GREB1: variants seen among roughly 807,000 people sequenced by gnomAD.
GREB1 encodes the protein growth regulating estrogen receptor binding 1.
A neutral mutation model predicts 200.7 loss-of-function variants in GREB1; 106 were observed. The observed-to-expected ratio is 0.53, with a 90% CI of 0.45 to 0.62. The LOEUF (loss-of-function observed/expected upper bound fraction) is 0.62, where lower values mean the gene tolerates loss of function less well. GREB1 is among the 20% of genes least tolerant of loss of function. The pLI is 0.00. For missense variants in GREB1, 2,243 were observed against 2,556.8 expected (o/e 0.88, Z 2.65); for synonymous variants, 1,132 against 1,092.4 (o/e 1.04, Z -0.72).
Position 11,482,980 on chromosome 2 carries a change from C to G in GREB1, c.-159+599C>G, listed in dbSNP as rs540197282. Among the ~76,000 whole-genome samples the G allele has an allele frequency of 2.4e-3, 365 of 151,340 alleles. 3 individuals are homozygous for G. Among genetic ancestry groups the G allele is most frequent in the African/African-American group, 8.5e-3 (353 of 41,442 alleles). ...GGGCCCGAGGTAGGAGCGGTCCCTC[C>G]GGGCGGCAGCGGGCGGAGCGGGGGC... On this transcript the variant is annotated intron_variant, in intron 1 of 2. Coordinates refer to the GREB1 transcript ENST00000628795.
chr2:11,530,815 G>A (rs529603619), upstream of GREB1, among the ~76,000 whole-genome samples: 1 of 152,114 alleles, frequency 6.6e-6, no homozygotes, highest in South Asian at 2.1e-4. Flanking sequence ...ATCTACTTAA[G>A]TTTAATACAC....
intron 1 of GREB1, among the ~76,000 whole-genome samples, chr2:11,485,069 T>C (rs1039694227): frequency 2.0e-5 from 3 of 152,094 alleles, no homozygotes; most frequent in African/African-American, 7.2e-5. Flanking sequence ...CCTCGTGATC[T>C]GCCCGCCTCG....
intron 1 of GREB1, among the ~76,000 whole-genome samples, chr2:11,524,423 T>C (rs1673805422): frequency 6.6e-6 from 1 of 152,202 alleles, no homozygotes; most frequent in Non-Finnish European, 1.5e-5. Flanking sequence ...ATAGGACTGT[T>C]TGAGGGTGAA....
intron 7 of GREB1, among the ~76,000 whole-genome samples, chr2:11,583,314 G>A (rs375624401): frequency 2.0e-5 from 3 of 152,162 alleles, no homozygotes; most frequent in African/African-American, 4.8e-5. Flanking sequence ...GTCTCCCATC[G>A]CAATTGGGGA....
chr2:11,628,796 G>A (rs1226100078), intron 25 of GREB1, among the ~76,000 whole-genome samples: 1 of 152,164 alleles, frequency 6.6e-6, no homozygotes, highest in Non-Finnish European at 1.5e-5. Flanking sequence ...GAGTGCAGAG[G>A]AGGAGGAGAG....
intron 4 of GREB1, among the ~76,000 whole-genome samples, chr2:11,574,093 A>C (rs1678588551): frequency 6.6e-6 from 1 of 152,192 alleles, no homozygotes; most frequent in African/African-American, 2.4e-5. Context: ...TGAAGGAATA[A>C]ACAAAGACAT....
In GREB1 at chr2:11,641,031, A is replaced by G. The variant is rs572203272; in HGVS notation, c.*577A>G. 3 of 152,504 alleles carry G rather than the reference A, an allele frequency of 2.0e-5. No homozygotes were observed. The highest frequency in any genetic ancestry group is 2.1e-4 in the South Asian group (1 of 4,834). 9.4% of individuals were successfully genotyped at this position (152,504 alleles called of 1,614,324 possible). On this transcript the variant is annotated 3_prime_UTR_variant, in exon 33 of 33. Transcript: ENST00000381486. ...AAATTTAATAAAGTTAAACAAATTG[A>G]TTTACTTCAGAGCAAATATGATCCT...
chr2:11,585,480 G>A (rs890284456), intron 8 of GREB1, among the ~76,000 whole-genome samples: 4 of 152,244 alleles, frequency 2.6e-5, no homozygotes, highest in African/African-American at 7.2e-5. Flanking sequence ...TCTAGGATCC[G>A]TGTATGATAG....
chr2:11,489,459 G>A (rs966105071), intron 1 of GREB1, among the ~76,000 whole-genome samples: 3 of 149,842 alleles, frequency 2.0e-5, no homozygotes, highest in African/African-American at 7.3e-5. Flanking sequence ...ACTCCGTCTT[G>A]GGGGAAAAAA....
chr2:11,570,705 G>A (rs1362376007), intron 4 of GREB1, among the ~76,000 whole-genome samples: 1 of 151,884 alleles, frequency 6.6e-6, no homozygotes, highest in Non-Finnish European at 1.5e-5. Flanking sequence ...TTAGATGACT[G>A]TTTTAATTTG....
intron 1 of GREB1, among the ~76,000 whole-genome samples, chr2:11,525,775 G>A (rs983946531): frequency 6.6e-6 from 1 of 152,150 alleles, no homozygotes; most frequent in African/African-American, 2.4e-5. Flanking sequence ...AACTTCATAT[G>A]CCTGGTTCTG....
At chr2:11,552,331 A>G (rs996529358) in intron 1 of GREB1, among the ~76,000 whole-genome samples, 1 of 152,224 alleles carries the variant, frequency 6.6e-6, no homozygotes, top group Non-Finnish European at 1.5e-5. Context: ...GCAGAGTTGA[A>G]TAACTGCAGC....
upstream of GREB1, among the ~76,000 whole-genome samples, chr2:11,530,358 G>T (rs115177705): frequency 4.0e-5 from 6 of 151,652 alleles, no homozygotes; most frequent in African/African-American, 1.5e-4. Flanking sequence ...CAGTGCGCCC[G>T]GCCCTAGGTG....
chr2:11,612,257 C>T, intron 18 of GREB1: 1 of 1,120,196 alleles, frequency 8.9e-7, no homozygotes, highest in Non-Finnish European at 1.1e-6. Flanking sequence ...CGGAGCTGGT[C>T]AGCTGATAGA....
At position 11,602,388 on chromosome 2, in the gene GREB1, C is replaced by T. The variant is rs375958367; in HGVS notation, c.2530-18C>T. ...GCGAATGCAGTGTTGGAGTGACCGACGCTCTTCTTTGTTTTAGGGAGTGGA... is the reference window on the plus strand; with the variant it reads ...GCGAATGCAGTGTTGGAGTGACCGATGCTCTTCTTTGTTTTAGGGAGTGGA... On this transcript the variant is annotated intron_variant, in intron 16 of 32. Coordinates refer to ENST00000381486, the MANE Select transcript of GREB1 (RefSeq NM_014668.4). 359 of 1,611,860 alleles carry T rather than the reference C, an allele frequency of 2.2e-4. 1 individual carries two copies. The South Asian group carries it at 2.4e-3, about 11-fold the overall frequency.
chr2:11,640,889 C>G lies in GREB1; in HGVS notation c.*435C>G, dbSNP rs1234469241. On this transcript the variant is annotated 3_prime_UTR_variant, in exon 33 of 33. Coordinates refer to ENST00000381486, the MANE Select transcript of GREB1 (RefSeq NM_014668.4). The surrounding 1 kb of genome is among the most constrained non-coding windows in gnomAD (Gnocchi z 4.6). ...CTGTAACCTCCTACAAAGCAATATTCCAAAGGAACATTTTAACTGTAAAGG... is the reference window on the plus strand; with the variant it reads ...CTGTAACCTCCTACAAAGCAATATTGCAAAGGAACATTTTAACTGTAAAGG... The G allele has an allele frequency of 1.3e-5, 2 of 159,660 alleles. No homozygotes were observed. The highest frequency in any genetic ancestry group is 2.7e-5 in the Non-Finnish European group (2 of 73,626). 9.9% of individuals were successfully genotyped at this position (159,660 alleles called of 1,614,324 possible).
chr2:11,519,008 G>C (rs1156948962), intron 1 of GREB1, among the ~76,000 whole-genome samples: 1 of 151,340 alleles, frequency 6.6e-6, no homozygotes, highest in Non-Finnish European at 1.5e-5. Flanking sequence ...GCTGAGGCAG[G>C]ATGGCGTGAA....
intron 6 of GREB1, 143 bp downstream of exon 6, chr2:11,578,574 C>A: frequency 1.2e-6 from 1 of 817,990 alleles, no homozygotes; most frequent in Non-Finnish European, 1.8e-6. Flanking sequence ...TTACTTTCAT[C>A]TTGAATTTGT....
rs575453466 is a variant in GREB1, at chr2:11,578,242, C to T, written c.638-55C>T. On this transcript the variant is annotated intron_variant, in intron 5 of 32. Coordinates refer to ENST00000381486, the MANE Select transcript of GREB1 (RefSeq NM_014668.4). ...CACGTTCCACTCCAGGAACTCATTT[C>T]GTAGTTGTTGGAGAAGAGCGAGTTG... 194 of 1,576,096 alleles carry T rather than the reference C, an allele frequency of 1.2e-4. 1 individual carries two copies. In the African/African-American group the frequency reaches 2.2e-3, roughly 18 times the overall value.
Sources: gnomAD v4.1 joint callset for allele counts (sites outside exome capture counted in the v4.1 genomes callset) on GRCh38, gnomAD v4.1.1 for gene constraint, Gnocchi (gnomAD v3.1) non-coding constraint, MANE v1.5 for transcripts, NCBI Gene and HGNC (gene_info 2026-07-23, HGNC 2026-07-21) for gene names.